Variants in PLA2G4D observed in about 807,000 individuals in gnomAD.
The protein encoded by PLA2G4D is cytosolic phospholipase A2 delta.
A neutral mutation model predicts 94.4 loss-of-function variants in PLA2G4D; 80 were observed. The observed-to-expected ratio is 0.85, with a 90% CI of 0.71 to 1.02. PLA2G4D has a LOEUF of 1.02. PLA2G4D is among the 50% of genes least tolerant of loss of function. The probability of loss-of-function intolerance (pLI) is 0.00; values close to 1 mark genes in which losing one functional copy is unlikely to be tolerated. For synonymous variants in PLA2G4D, 438 were observed against 440.9 expected, an observed-to-expected ratio of 0.99 and a Z score of 0.08; for missense variants, 1,050 against 1,034.7, an observed-to-expected ratio of 1.01 and a Z score of -0.20.
chr15:42,094,389 C>T, intron 1 of PLA2G4D, 26 bp downstream of exon 1: 1 of 1,613,584 alleles, frequency 6.2e-7, no homozygotes, highest in Non-Finnish European at 8.5e-7. Context: ...CTGACTGGTG[C>T]CCACATGCTC....
rs751073276 is a variant in PLA2G4D at position 42,070,852 on chromosome 15, C to T, written c.1908G>A (p.Leu636=). ...DYQLDSMPSQ[L]TPKEPRLCLV... The stretch of plus-strand genomic sequence containing the variant: ...GGCAGAGCCGGGGCTCCTTGGGGGT[C>T]AGCTGGCTGGGCATGGAGTCAAGCT... Residue 636 remains leucine, a synonymous_variant, in exon 18 of 20, where the codon CTG becomes CTA. Coordinates refer to ENST00000290472, the MANE Select transcript of PLA2G4D (RefSeq NM_178034.4). 202 of 1,611,828 alleles carry T rather than the reference C, an allele frequency of 1.3e-4. No individual in the cohort carries two copies. The highest frequency in any genetic ancestry group is 1.6e-4 in the Non-Finnish European group (185 of 1,179,176).
At chr15:42,077,211 A>C (rs1405332580) in intron 13 of PLA2G4D, among the ~76,000 whole-genome samples, 5 of 152,224 alleles carry the variant, frequency 3.3e-5, no homozygotes, top group Non-Finnish European at 5.9e-5. Context: ...AGAGGAGGGA[A>C]TACTTCCAAA....
At chr15:42,076,157 G>GA (rs975931316) in intron 13 of PLA2G4D, among the ~76,000 whole-genome samples, 4 of 151,974 alleles carry the variant, frequency 2.6e-5, no homozygotes, top group African/African-American at 7.3e-5. Context: ...ATAAATACAT[G>GA]AAAAATATAT....
intron 1 of PLA2G4D, among the ~76,000 whole-genome samples, chr15:42,091,879 AG>A (rs1890251426): frequency 6.6e-6 from 1 of 152,160 alleles, no homozygotes; most frequent in Non-Finnish European, 1.5e-5. Flanking sequence ...CAGGCAGGGA[AG>A]GGCCCCCTGT....
Position 42,094,532 on chromosome 15 carries a change from G to A in PLA2G4D, c.-73C>T, listed in dbSNP as rs1890303561. 37 of 1,563,042 alleles carry A rather than the reference G, an allele frequency of 2.4e-5. 1 individual carries two copies. In the South Asian group the frequency reaches 3.6e-4, roughly 15 times the overall value. On this transcript the variant is annotated 5_prime_UTR_variant, in exon 1 of 20. Coordinates refer to ENST00000290472, the MANE Select transcript of PLA2G4D (RefSeq NM_178034.4). Reference sequence around the variant, plus strand: ...GGCTCTCTGGCTGAGTGGCAGCGACGGTCCCAGTGGGATAGGACCAGCATG... The same window carrying A: ...GGCTCTCTGGCTGAGTGGCAGCGACAGTCCCAGTGGGATAGGACCAGCATG...
intron 19 of PLA2G4D, among the ~76,000 whole-genome samples, chr15:42,069,587 C>T (rs2141091142): frequency 6.6e-6 from 1 of 152,122 alleles, no homozygotes; most frequent in South Asian, 2.1e-4. Context: ...GGTGGAGAGG[C>T]CAAGTGAGTC....
rs143875418 is a variant in PLA2G4D at position 42,069,948 on chromosome 15, G to A, written c.2191C>T (p.Pro731Ser). 3.6e-5 allele frequency: 52 copies of A among 1,451,752 alleles called. No homozygotes were observed. Among genetic ancestry groups the A allele is most frequent in the Non-Finnish European group, 4.5e-5 (50 of 1,104,706 alleles). 89.9% of individuals were successfully genotyped at this position (1,451,752 alleles called of 1,614,324 possible). The change falls in exon 19 of 20, where the codon CCG becomes TCG. Residue 731 changes from proline to serine, a missense_variant. Transcript: ENST00000290472. ...TCCTTGAAGGAGGCATTGACCAGCGGGAAGTGCAGCAGGATCGGGGCCTCG... is the reference window on the plus strand; with the variant it reads ...TCCTTGAAGGAGGCATTGACCAGCGAGAAGTGCAGCAGGATCGGGGCCTCG... The part of the protein sequence containing the change: ...CPEAPILLHF[P>S]LVNASFKDHS...
At chr15:42,069,343 G>T (rs936119918) in intron 19 of PLA2G4D, among the ~76,000 whole-genome samples, 1 of 152,128 alleles carries the variant, frequency 6.6e-6, no homozygotes, top group Non-Finnish European at 1.5e-5. Context: ...TCTCAGATGT[G>T]GGCTGAGCAT....
chr15:42,074,758 T>TA (rs1179358422), intron 13 of PLA2G4D, among the ~76,000 whole-genome samples: 1 of 152,226 alleles, frequency 6.6e-6, no homozygotes, highest in Non-Finnish European at 1.5e-5. Flanking sequence ...TACCTGTTTT[T>TA]ATCTAAAGTC....
rs745758646 is a variant in PLA2G4D at position 42,087,323 on chromosome 15, A to G, written c.232T>C (p.Phe78Leu). 1 of 1,613,962 alleles carries G rather than the reference A, an allele frequency of 6.2e-7. No homozygotes were observed. The highest frequency in any genetic ancestry group is 1.1e-5 in the South Asian group (1 of 91,064). The change falls in exon 3 of 20, where the codon TTC becomes CTC. Residue 78 changes from phenylalanine to leucine, a missense_variant. Physicochemically the swap from Phe to Leu is conservative, Grantham distance 22. Transcript: ENST00000290472. ...SHPVWNEAFR[F>L]LIQSQVKNVL... ...ACCTTGACCTGACTTTGGATAAGGA[A>G]ACGGAAGGCCTCATTCCACACAGGA... is the stretch of plus-strand genomic sequence containing the variant.
rs1890099316 is a variant in PLA2G4D, at chr15:42,084,316, G to A, written c.472-537C>T. 6.6e-6 allele frequency among the ~76,000 whole-genome samples: 1 copy of A among 151,980 alleles called. No individual in the cohort carries two copies. The highest frequency in any genetic ancestry group is 1.5e-5 in the Non-Finnish European group (1 of 67,980). On this transcript the variant is annotated intron_variant, in intron 6 of 19. Transcript: ENST00000290472. This position sits in a 1 kb window ranked among gnomAD's most constrained non-coding sequence, Gnocchi z 4.8. ...ATACCAGCAGATGCCCGCCACCCAC[G>A]CTCCACACAATCACTGAATTTGCCC...
At position 42,085,150 on chromosome 15, in the gene PLA2G4D, A is replaced by T; in HGVS notation, c.429-12T>A. On this transcript the variant is annotated splice_polypyrimidine_tract_variant and intron_variant, in intron 5 of 19. Transcript: ENST00000290472. ...CTGGGCGATCTGACCTGGAAAAATC[A>T]AACCATGCAAAGGCAAACGCTTCCT... 6.2e-7 allele frequency: 1 copy of T among 1,614,182 alleles called. No individual in the cohort carries two copies. Among genetic ancestry groups the T allele is most frequent in the Non-Finnish European group, 8.5e-7 (1 of 1,180,036 alleles).
At chr15:42,083,930 C>T (rs1197092890) in intron 6 of PLA2G4D, 151 bp from the exon 7 acceptor site, 2 of 711,756 alleles carry the variant, frequency 2.8e-6, no homozygotes, top group Non-Finnish European at 2.4e-6. Flanking sequence ...GGCCCTTCAT[C>T]CCATTGCCGA....
At chr15:42,073,317 C>T (rs530415546) in intron 13 of PLA2G4D, among the ~76,000 whole-genome samples, 11 of 152,178 alleles carry the variant, frequency 7.2e-5, no homozygotes, top group African/African-American at 1.4e-4. Context: ...TTGATGGCAA[C>T]GACTATAGCT....
rs1247869592 is a variant in PLA2G4D at position 42,069,906 on chromosome 15, C to T, written c.2230+3G>A. On this transcript the variant is annotated splice_donor_region_variant and intron_variant, in intron 19 of 19. Coordinates refer to ENST00000290472, the MANE Select transcript of PLA2G4D (RefSeq NM_178034.4). ...CCTGGGTGCTTGGGAGGGGCTGCCT[C>T]ACCGGGGGCTGAGTGGTCCTTGAAG... is the stretch of plus-strand genomic sequence containing the variant. 9 of 1,411,056 alleles carry T rather than the reference C, an allele frequency of 6.4e-6. No homozygotes were observed. The highest frequency in any genetic ancestry group is 8.3e-6 in the Non-Finnish European group (9 of 1,082,640). 87.4% of individuals were successfully genotyped at this position (1,411,056 alleles called of 1,614,324 possible). A position where few individuals can be genotyped will look rare whatever the true frequency, so the allele number is the denominator to read the frequency against.
chr15:42,082,724 G>A (rs1345321954), intron 8 of PLA2G4D, among the ~76,000 whole-genome samples: 1 of 152,148 alleles, frequency 6.6e-6, no homozygotes, highest in Non-Finnish European at 1.5e-5. Context: ...GGGTCAAGGA[G>A]GACCCTCTGA....
In PLA2G4D at chr15:42,068,544, G is replaced by A. The variant is rs533080407; in HGVS notation, c.*171C>T. On this transcript the variant is annotated 3_prime_UTR_variant, in exon 20 of 20. Transcript: ENST00000290472. ...AACTCATCTCAAGCCAGCCATGAAC[G>A]TAAGAGAGAAGTCTGTGTGTGCAGT... 14 of 631,840 alleles carry A rather than the reference G, an allele frequency of 2.2e-5. No homozygotes were observed. The highest frequency in any genetic ancestry group is 9.8e-5 in the South Asian group (5 of 50,772). 39.1% of individuals were successfully genotyped at this position (631,840 alleles called of 1,614,324 possible).
chr15:42,085,660 C>G, intron 4 of PLA2G4D, 129 bp from the exon 5 acceptor site: 1 of 888,548 alleles, frequency 1.1e-6, no homozygotes, highest in Non-Finnish European at 1.8e-6. Context: ...ACAATTATTT[C>G]CAATTTATGG....
Position 42,081,629 on chromosome 15 carries a change from G to C in PLA2G4D, c.822-15C>G, listed in dbSNP as rs376032203. Reference sequence around the variant, plus strand: ...GCTCCTCAGGGCTGTGGCAATGGAGGATCCAGGGGTCAGGGGACACCTGCA... The same window carrying C: ...GCTCCTCAGGGCTGTGGCAATGGAGCATCCAGGGGTCAGGGGACACCTGCA... On this transcript the variant is annotated splice_polypyrimidine_tract_variant and intron_variant, in intron 10 of 19. Transcript: ENST00000290472. 6.2e-7 allele frequency: 1 copy of C among 1,613,424 alleles called. No individual in the cohort carries two copies. Among genetic ancestry groups the C allele is most frequent in the Non-Finnish European group, 8.5e-7 (1 of 1,179,632 alleles).
Sources: gnomAD v4.1 joint callset for allele counts (sites outside exome capture counted in the v4.1 genomes callset) on GRCh38, gnomAD v4.1.1 for gene constraint, Gnocchi (gnomAD v3.1) non-coding constraint, MANE v1.5 for transcripts, NCBI Gene and HGNC (gene_info 2026-07-23, HGNC 2026-07-21) for gene names.